Variants in TP63 observed in about 807,000 individuals in gnomAD.
TP63 encodes tumor protein p63.
Under a neutral mutation model 82.8 loss-of-function variants are expected in TP63, and 17 were observed. The ratio of observed to expected loss-of-function variants is 0.21; its 90% confidence interval spans 0.14 to 0.31. TP63 has a LOEUF of 0.31. Among genes scored for constraint, TP63 ranks in the 10% least tolerant of loss-of-function variants. TP63 has a pLI of 1.00. For missense variants in TP63, 648 were observed against 895.3 expected (o/e 0.72, Z 3.52); for synonymous variants, 330 against 321.7 (o/e 1.03, Z -0.28).
At chr3:189,697,232 A>AATTTTTTTTTTTTTTTTTTTTTTTT (rs146092678) in intron 1 of TP63, among the ~76,000 whole-genome samples, 1 of 22,406 alleles carries the variant, frequency 4.5e-5, no homozygotes, top group Non-Finnish European at 1.4e-4. Flanking sequence ...GTCTAGGTTC[A>AATTTTTTTTTTTTTTTTTTTTTTTT]GTTTTTTTTT....
At chr3:189,740,235 A>G (rs933661247) in intron 3 of TP63, among the ~76,000 whole-genome samples, 1 of 152,206 alleles carries the variant, frequency 6.6e-6, no homozygotes, top group African/African-American at 2.4e-5. Context: ...AAGGCCTTGG[A>G]CTATATCATA....
At chr3:189,680,915 T>A (rs954555225) in intron 1 of TP63, among the ~76,000 whole-genome samples, 1 of 152,138 alleles carries the variant, frequency 6.6e-6, no homozygotes, top group African/African-American at 2.4e-5. Flanking sequence ...GCCTGGAGTC[T>A]GGGTCTGCAA....
intron 1 of TP63, among the ~76,000 whole-genome samples, chr3:189,676,557 T>A (rs1366038685): frequency 6.6e-6 from 1 of 151,978 alleles, no homozygotes; most frequent in Non-Finnish European, 1.5e-5. Context: ...TGTGTGTGCA[T>A]GTGTGTATGT....
chr3:189,810,354 A>G (rs1020874226), intron 4 of TP63, among the ~76,000 whole-genome samples: 4 of 152,192 alleles, frequency 2.6e-5, no homozygotes, highest in Non-Finnish European at 5.9e-5. Flanking sequence ...CTTCAAAGCT[A>G]ACAGTTACTA....
chr3:189,746,660 A>G (rs1298055281), intron 3 of TP63, among the ~76,000 whole-genome samples: 1 of 151,814 alleles, frequency 6.6e-6, no homozygotes, highest in Admixed American at 6.6e-5. Context: ...AGTACCAGCA[A>G]TTAATAAAAT....
intron 1 of TP63, among the ~76,000 whole-genome samples, chr3:189,717,256 A>C (rs1255985720): frequency 6.6e-6 from 1 of 152,218 alleles, no homozygotes; most frequent in Non-Finnish European, 1.5e-5. Context: ...TTAAAGAGTT[A>C]TTATCACTAT....
chr3:189,896,365 G>T lies in TP63; in HGVS notation c.*1863G>T, dbSNP rs921124563. 1 of 202,184 alleles carries T rather than the reference G, an allele frequency of 4.9e-6. No homozygotes were observed. The highest frequency in any genetic ancestry group is 1.0e-5 in the Non-Finnish European group (1 of 98,370). 12.5% of individuals were successfully genotyped at this position (202,184 alleles called of 1,614,324 possible). The stretch of plus-strand genomic sequence containing the variant: ...TTTTTTATCGTTTTTGTATTTTCAT[G>T]AAAATACCATTTAGTAAGAATACCA... On this transcript the variant is annotated 3_prime_UTR_variant, in exon 14 of 14. Transcript: ENST00000264731.
intron 3 of TP63, among the ~76,000 whole-genome samples, chr3:189,800,094 C>A (rs1726126547): frequency 6.6e-6 from 1 of 152,048 alleles, no homozygotes; most frequent in Non-Finnish European, 1.5e-5. Context: ...AAATGTGGAA[C>A]AAAAGAGAAT....
chr3:189,769,537 A>G (rs572112112), intron 3 of TP63, among the ~76,000 whole-genome samples: 1 of 152,332 alleles, frequency 6.6e-6, no homozygotes, highest in South Asian at 2.1e-4. Context: ...TCTTCCACTT[A>G]ATTGGTATTC....
intron 3 of TP63, among the ~76,000 whole-genome samples, chr3:189,743,085 C>A (rs1721116961): frequency 2.0e-5 from 3 of 151,922 alleles, no homozygotes; most frequent in African/African-American, 7.3e-5. Context: ...AATTATAATT[C>A]ATAACAAAAG....
At chr3:189,716,156 A>AG (rs1355818578) in intron 1 of TP63, among the ~76,000 whole-genome samples, 3 of 152,234 alleles carry the variant, frequency 2.0e-5, no homozygotes, top group Non-Finnish European at 2.9e-5. Context: ...CCACATTTCT[A>AG]AAAGTCATGT....
Position 189,890,677 on chromosome 3 carries a change from A to T in TP63, c.1653-112A>T, listed in dbSNP as rs1720924871. The T allele has an allele frequency of 4.2e-5, 35 of 829,178 alleles. No homozygotes were observed. The South Asian group carries it at 4.9e-4, about 12-fold the overall frequency. 51.4% of individuals were successfully genotyped at this position (829,178 alleles called of 1,614,324 possible). A position where few individuals can be genotyped will look rare whatever the true frequency, so the allele number is the denominator to read the frequency against. On this transcript the variant is annotated intron_variant, in intron 12 of 13. Coordinates refer to ENST00000264731, the MANE Select transcript of TP63 (RefSeq NM_003722.5). ...ATATATTACCCAATCCTCATCTCTG[A>T]TGTGGGGCATCCAAGGGCAAAATAT...
At chr3:189,691,390 T>C (rs928292835) in intron 1 of TP63, among the ~76,000 whole-genome samples, 2 of 148,678 alleles carry the variant, frequency 1.3e-5, no homozygotes, top group African/African-American at 4.9e-5. Context: ...AGAAAGGTAA[T>C]TGACTGTGTA....
intron 1 of TP63, among the ~76,000 whole-genome samples, chr3:189,637,412 TTCC>T (rs1729852916): frequency 6.6e-6 from 1 of 152,138 alleles, no homozygotes; most frequent in South Asian, 2.1e-4. Flanking sequence ...ATACCTCAAG[TTCC>T]ACTTTATATC....
intron 3 of TP63, among the ~76,000 whole-genome samples, chr3:189,755,600 G>A (rs1175683806): frequency 2.0e-5 from 3 of 152,000 alleles, no homozygotes; most frequent in Non-Finnish European, 4.4e-5. Flanking sequence ...CTACTCACAT[G>A]TTTTTAAGAA....
intron 5 of TP63, among the ~76,000 whole-genome samples, chr3:189,864,629 A>G (rs938790296): frequency 1.4e-5 from 2 of 145,272 alleles, no homozygotes; most frequent in Non-Finnish European, 3.0e-5. Context: ...TGAACTATTT[A>G]ATATTAGTAA....
chr3:189,681,300 T>C (rs1715881333), intron 1 of TP63, among the ~76,000 whole-genome samples: 1 of 152,206 alleles, frequency 6.6e-6, no homozygotes, highest in South Asian at 2.1e-4. Flanking sequence ...AAATTGTAAG[T>C]GAACAAGAGC....
At chr3:189,718,472 C>G (rs555287252) in intron 1 of TP63, among the ~76,000 whole-genome samples, 1 of 149,300 alleles carries the variant, frequency 6.7e-6, no homozygotes. Flanking sequence ...TTTAAACCAT[C>G]AGATCTTGTG....
intron 3 of TP63, among the ~76,000 whole-genome samples, chr3:189,783,998 T>G (rs951752639): frequency 2.0e-5 from 3 of 152,028 alleles, no homozygotes; most frequent in Non-Finnish European, 4.4e-5. Flanking sequence ...TTATATTGCA[T>G]ATGATCTCAA....
Sources: gnomAD v4.1 joint callset for allele counts (sites outside exome capture counted in the v4.1 genomes callset) on GRCh38, gnomAD v4.1.1 for gene constraint, MANE v1.5 for transcripts, NCBI Gene and HGNC (gene_info 2026-07-23, HGNC 2026-07-21) for gene names.